The following SLC38A8 variants were observed in gnomAD, a reference collection of about 807,000 sequenced individuals.
The protein encoded by SLC38A8 is amino acid transporter SLC38A8.
A neutral mutation model predicts 46.0 loss-of-function variants in SLC38A8; 65 were observed. The observed-to-expected ratio is 1.41, with a 90% CI of 1.16 to 1.74. The LOEUF is 1.74. SLC38A8 is among the 40% of genes most tolerant of loss of function. The probability of loss-of-function intolerance (pLI) is 0.00; values close to 1 mark genes in which losing one functional copy is unlikely to be tolerated. For missense variants in SLC38A8, 998 were observed against 567.9 expected (o/e 1.76, Z -7.70); for synonymous variants, 447 against 243.7 (o/e 1.83, Z -7.77).
chr16:84,022,706 T>TA (rs2085108714), intron 7 of SLC38A8, 69 bp downstream of exon 7: 1 of 1,170,926 alleles, frequency 8.5e-7, no homozygotes, highest in African/African-American at 1.5e-5. Context: ...TCTAGAGAGA[T>TA]ACTCGCTGTT....
chr16:84,029,064 T>C (rs1187252599), intron 6 of SLC38A8, among the ~76,000 whole-genome samples: 1 of 152,078 alleles, frequency 6.6e-6, no homozygotes, highest in Non-Finnish European at 1.5e-5. Flanking sequence ...AGGCAGGATC[T>C]TTCCTGCCCA....
At chr16:84,010,792 C>G (rs769916890) in intron 10 of SLC38A8, among the ~76,000 whole-genome samples, 1 of 152,036 alleles carries the variant, frequency 6.6e-6, no homozygotes, top group South Asian at 2.1e-4. Flanking sequence ...TTTGAAAAGT[C>G]CCCCCACCCT....
chr16:84,024,214 G>A (rs376641516), intron 6 of SLC38A8, among the ~76,000 whole-genome samples: 7 of 152,222 alleles, frequency 4.6e-5, no homozygotes, highest in Non-Finnish European at 8.8e-5. Context: ...AGGCAGGATG[G>A]TGGTTTGGGT....
At chr16:84,013,497 C>T (rs1456478888) in intron 9 of SLC38A8, among the ~76,000 whole-genome samples, 2 of 130,164 alleles carry the variant, frequency 1.5e-5, no homozygotes, top group Non-Finnish European at 3.1e-5. Flanking sequence ...GTGGCACCAT[C>T]TCGGCTCACT....
chr16:84,016,491 C>G, intron 9 of SLC38A8, 28 bp downstream of exon 9: 1 of 1,608,012 alleles, frequency 6.2e-7, no homozygotes, highest in Non-Finnish European at 8.5e-7. Flanking sequence ...AACAAGTGGG[C>G]AGAAAGCCTG....
intron 7 of SLC38A8, among the ~76,000 whole-genome samples, chr16:84,022,455 G>GAACAGCA (rs756090124): frequency 6.6e-6 from 1 of 152,222 alleles, no homozygotes; most frequent in Non-Finnish European, 1.5e-5. Context: ...AGCAGTCAAT[G>GAACAGCA]TCCTTTGAAC....
intron 10 of SLC38A8, among the ~76,000 whole-genome samples, chr16:84,010,124 G>A (rs1262429753): frequency 1.4e-5 from 2 of 139,542 alleles, no homozygotes; most frequent in Non-Finnish European, 3.0e-5. Flanking sequence ...AGGCTGGAGT[G>A]CAGTGGCACG....
At chr16:84,024,870 A>G (rs1353492854) in intron 6 of SLC38A8, among the ~76,000 whole-genome samples, 1 of 151,758 alleles carries the variant, frequency 6.6e-6, no homozygotes, top group East Asian at 2.0e-4. Flanking sequence ...TGGTAGAGAC[A>G]GGGTTTCACC....
chr16:84,042,234 G>T, intron 1 of SLC38A8, 75 bp from the exon 2 acceptor site: 3 of 1,486,864 alleles, frequency 2.0e-6, no homozygotes, highest in Non-Finnish European at 2.7e-6. Context: ...ATCCTTATTT[G>T]TCTCCCCAAC....
At chr16:84,041,214 C>G (rs1296624546) in intron 2 of SLC38A8, 1 of 152,334 alleles carries the variant, frequency 6.6e-6, no homozygotes, top group Non-Finnish European at 1.5e-5. Flanking sequence ...ACCCGGCAGG[C>G]AGGAGAGCGG....
chr16:84,042,245 T>G, intron 1 of SLC38A8, 86 bp from the exon 2 acceptor site: 1 of 1,435,998 alleles, frequency 7.0e-7, no homozygotes, highest in Non-Finnish European at 9.3e-7. Context: ...TCTCCCCAAC[T>G]CAGTGAGAGC....
At chr16:84,032,037 T>C in intron 4 of SLC38A8, 69 bp from the exon 5 acceptor site, 1 of 1,361,746 alleles carries the variant, frequency 7.3e-7, no homozygotes, top group South Asian at 1.2e-5. Context: ...GGGACAGTAG[T>C]GGGATCTGAA....
At chr16:84,019,540 T>C (rs923747116) in intron 7 of SLC38A8, among the ~76,000 whole-genome samples, 4 of 152,172 alleles carry the variant, frequency 2.6e-5, no homozygotes, top group Non-Finnish European at 5.9e-5. Context: ...GCAATTTAAT[T>C]TCAACAAGAG....
chr16:84,041,258 T>C (rs987994793), intron 2 of SLC38A8: 2 of 152,324 alleles, frequency 1.3e-5, no homozygotes, highest in African/African-American at 4.8e-5. Flanking sequence ...GGCCCGGCTC[T>C]GTGTGGGGAG....
intron 9 of SLC38A8, among the ~76,000 whole-genome samples, chr16:84,013,540 C>T (rs1199520757): frequency 7.0e-6 from 1 of 142,766 alleles, no homozygotes; most frequent in Non-Finnish European, 1.5e-5. Flanking sequence ...AAGTCATTCT[C>T]GTGCCTCAGC....
chr16:84,012,913 G>T (rs775199077), intron 10 of SLC38A8, 88 bp downstream of exon 10: 9 of 1,404,602 alleles, frequency 6.4e-6, no homozygotes, highest in African/African-American at 1.4e-5. Flanking sequence ...TGCAGAGGAT[G>T]AGAAATAGGA....
rs776708513 is a variant in SLC38A8, at chr16:84,009,932, C to T, written c.1215-55G>A. 3.0e-5 allele frequency: 45 copies of T among 1,498,876 alleles called. No homozygotes were observed. In the Middle Eastern group the frequency reaches 6.9e-4, roughly 23 times the overall value. The allele number at this position is 1,498,876 out of a possible 1,614,324, so 92.8% of individuals were successfully genotyped here. A position where few individuals can be genotyped will look rare whatever the true frequency, so the allele number is the denominator to read the frequency against. On this transcript the variant is annotated intron_variant, in intron 10 of 10. Transcript: ENST00000299709. ...TTTTCTGGATTTTTGCACAAATAAG[C>T]CACACACACATAAAAAATTCACTAT...
chr16:84,009,980 C>A, intron 10 of SLC38A8, 103 bp from the exon 11 acceptor site: 2 of 843,512 alleles, frequency 2.4e-6, no homozygotes, highest in South Asian at 2.6e-5. Flanking sequence ...ATGGAGTCAT[C>A]AATTTGGAAA....
intron 2 of SLC38A8, among the ~76,000 whole-genome samples, chr16:84,037,563 C>G (rs141300582): frequency 1.3e-5 from 2 of 152,080 alleles, no homozygotes; most frequent in African/African-American, 2.4e-5. Flanking sequence ...GAGTTTGAGA[C>G]CAGCCTGGCC....
Sources: allele counts gnomAD v4.1 joint callset (sites outside exome capture counted in the v4.1 genomes callset), GRCh38; gene constraint gnomAD v4.1.1; transcripts MANE v1.5; gene names NCBI Gene and HGNC (gene_info 2026-07-23, HGNC 2026-07-21).